The following ADCY3 variants were observed in gnomAD, a reference collection of about 807,000 sequenced individuals.
ADCY3 encodes adenylate cyclase 3.
A neutral mutation model predicts 119.4 loss-of-function variants in ADCY3; 70 were observed. That is an observed-to-expected ratio of 0.59 (90% CI 0.48 to 0.72). The LOEUF (loss-of-function observed/expected upper bound fraction) is 0.72, where lower values mean the gene tolerates loss of function less well. ADCY3 is among the 30% of genes least tolerant of loss of function. ADCY3 has a pLI of 0.00. For missense variants in ADCY3, 1,238 were observed against 1,541.6 expected (o/e 0.80, Z 3.30); for synonymous variants, 672 against 621.4 (o/e 1.08, Z -1.21).
intron 3 of ADCY3, among the ~76,000 whole-genome samples, chr2:24,858,105 C>T (rs1673226063): frequency 6.6e-6 from 1 of 150,406 alleles, no homozygotes; most frequent in South Asian, 2.1e-4. Flanking sequence ...CTCAGGTGAT[C>T]CTCCCGCCTC....
chr2:24,913,705 G>A (rs1038296111), intron 2 of ADCY3, among the ~76,000 whole-genome samples: 11 of 152,166 alleles, frequency 7.2e-5, no homozygotes, highest in Non-Finnish European at 1.5e-4. Flanking sequence ...CCTCCCTACG[G>A]CAGCTCCCTC....
intron 2 of ADCY3, among the ~76,000 whole-genome samples, chr2:24,891,537 G>C (rs1677653258): frequency 6.6e-6 from 1 of 152,148 alleles, no homozygotes; most frequent in Non-Finnish European, 1.5e-5. Context: ...TAGCAATTCA[G>C]ATATGCCAAA....
At chr2:24,837,137 G>A in intron 8 of ADCY3, 92 bp from the exon 9 acceptor site, 1 of 1,405,152 alleles carries the variant, frequency 7.1e-7, no homozygotes, top group Non-Finnish European at 9.6e-7. Context: ...GAGGCGGTGG[G>A]ATTAGAGAGC....
At position 24,820,078 on chromosome 2, in the gene ADCY3, C is replaced by A. The variant is rs149824724; in HGVS notation, c.3289G>T (p.Gly1097Cys). 8.9e-6 allele frequency: 14 copies of A among 1,575,032 alleles called. No individual in the cohort carries two copies. Among genetic ancestry groups the A allele is most frequent in the Non-Finnish European group, 1.2e-5 (14 of 1,161,064 alleles). Residue 1097 changes from glycine to cysteine, a missense_variant, in exon 22 of 22, where the codon GGC becomes TGC. Physicochemically the swap from Gly to Cys is radical, Grantham distance 159 (BLOSUM62 -3). This residue lies in a region of ADCY3 where 86 missense variants were observed against 70.7 expected (regional missense o/e 1.22). Transcript: ENST00000679454. ...GGGCCTCGCCTCACAAAGCGGAAGC[C>A]GTACTCTCGGAGGATGACTTGGGTT... ...EETQVILREY[G>C]FRFVRRGPIF... is the part of the protein sequence containing the mutation.
chr2:24,828,186 GAC>G (rs757082218), intron 13 of ADCY3, 25 bp from the exon 14 acceptor site: 3 of 1,610,128 alleles, frequency 1.9e-6, no homozygotes, highest in South Asian at 1.1e-5. Flanking sequence ...GGCGGGCAGG[GAC>G]ACACGTTCAA....
intron 6 of ADCY3, among the ~76,000 whole-genome samples, chr2:24,840,299 T>C (rs1443677873): frequency 6.6e-6 from 1 of 152,248 alleles, no homozygotes. Context: ...TCTCTGCCAA[T>C]TACTCTTTTA....
At chr2:24,837,857 GC>G (rs1670491497) in intron 8 of ADCY3, among the ~76,000 whole-genome samples, 1 of 152,076 alleles carries the variant, frequency 6.6e-6, no homozygotes, top group Non-Finnish European at 1.5e-5. Flanking sequence ...CAGAGGGCAG[GC>G]CCACAGGATG....
chr2:24,880,923 G>A (rs534333719), intron 2 of ADCY3, among the ~76,000 whole-genome samples: 1 of 152,126 alleles, frequency 6.6e-6, no homozygotes, highest in African/African-American at 2.4e-5. Flanking sequence ...GCTGAGGCAG[G>A]AGAATCGCTT....
At chr2:24,869,754 T>C (rs1326755747) in intron 3 of ADCY3, among the ~76,000 whole-genome samples, 1 of 152,150 alleles carries the variant, frequency 6.6e-6, no homozygotes, top group East Asian at 1.9e-4. Flanking sequence ...ATTTAAGGAA[T>C]AACCCAAATT....
At position 24,898,565 on chromosome 2, in the gene ADCY3, G is replaced by A. The variant is rs913405948; in HGVS notation, c.675+19748C>T. 5.9e-5 allele frequency among the ~76,000 whole-genome samples: 9 copies of A among 152,000 alleles called. No individual in the cohort carries two copies. The highest frequency in any genetic ancestry group is 1.3e-4 in the Non-Finnish European group (9 of 67,990). ...CACTCAGCCAGAGGAAATATCCTCC[G>A]AAGATCTTCACTCTCAAATCAGCCT... is the stretch of plus-strand genomic sequence containing the variant. On this transcript the variant is annotated intron_variant, in intron 2 of 21. Transcript: ENST00000679454. The surrounding 1 kb of genome is among the most constrained non-coding windows in gnomAD (Gnocchi z 4.3).
intron 15 of ADCY3, 31 bp downstream of exon 15, chr2:24,827,515 G>A (rs1668791602): frequency 6.4e-7 from 1 of 1,566,450 alleles, no homozygotes; most frequent in South Asian, 1.2e-5. Flanking sequence ...GGCTGTGAGT[G>A]CAGGCCAGGA....
intron 2 of ADCY3, among the ~76,000 whole-genome samples, chr2:24,895,309 G>A (rs566857039): frequency 2.2e-4 from 34 of 151,792 alleles, no homozygotes; most frequent in African/African-American, 6.0e-4. Flanking sequence ...CGATGGTCTC[G>A]ATCTCTTGAC....
At chr2:24,869,509 G>T (rs545847005) in intron 3 of ADCY3, among the ~76,000 whole-genome samples, 2 of 151,998 alleles carry the variant, frequency 1.3e-5, no homozygotes, top group Non-Finnish European at 2.9e-5. Context: ...GGGCTCAAGC[G>T]ATCCTCCCAC....
At chr2:24,854,722 G>A (rs537183509) in intron 3 of ADCY3, among the ~76,000 whole-genome samples, 1 of 152,152 alleles carries the variant, frequency 6.6e-6, no homozygotes, top group African/African-American at 2.4e-5. Context: ...GTTAGAAGGG[G>A]GACACCTACC....
intron 19 of ADCY3, 45 bp from the exon 20 acceptor site, chr2:24,821,685 C>T (rs749224237): frequency 5.6e-6 from 9 of 1,603,990 alleles, no homozygotes; most frequent in African/African-American, 5.3e-5. Flanking sequence ...CCGCTCACTG[C>T]AGCAGCCTGC....
At chr2:24,853,895 T>C (rs1672697685) in intron 3 of ADCY3, among the ~76,000 whole-genome samples, 1 of 152,242 alleles carries the variant, frequency 6.6e-6, no homozygotes, top group Admixed American at 6.5e-5. Flanking sequence ...ACTGAATCTG[T>C]ATATACAATG....
At chr2:24,869,573 T>C (rs935543561) in intron 3 of ADCY3, among the ~76,000 whole-genome samples, 1 of 152,048 alleles carries the variant, frequency 6.6e-6, no homozygotes, top group Non-Finnish European at 1.5e-5. Context: ...ACTCAGCTAA[T>C]TTTTTAATTT....
rs932998651 is a variant in ADCY3, at chr2:24,899,852, G to A, written c.675+18461C>T. ...TGGCAATGGGTACCTATGAGAAGGG[G>A]AGCAAGGGAAGGAAGGAGGACTTTC... On this transcript the variant is annotated intron_variant, in intron 2 of 21. Coordinates refer to ENST00000679454, the MANE Select transcript of ADCY3 (RefSeq NM_004036.5). This position sits in a 1 kb window ranked among gnomAD's most constrained non-coding sequence, Gnocchi z 4.5. 6.6e-5 allele frequency among the ~76,000 whole-genome samples: 10 copies of A among 152,182 alleles called. No homozygotes were observed. Among genetic ancestry groups the A allele is most frequent in the Non-Finnish European group, 1.3e-4 (9 of 68,036 alleles).
chr2:24,875,637 AGGCAACACTGACGTGCAGCCTGGG>A (rs1675595569), intron 2 of ADCY3, among the ~76,000 whole-genome samples: 1 of 152,188 alleles, frequency 6.6e-6, no homozygotes, highest in Non-Finnish European at 1.5e-5. Context: ...CAGTGCTCCC[AGGCAACACTGACGTGCAGCCTGGG>A]TGGGGAGTCC....
Sources: gnomAD v4.1 joint callset for allele counts (sites outside exome capture counted in the v4.1 genomes callset) on GRCh38, gnomAD v4.1.1 for gene constraint, gnomAD v4.1.1 regional missense constraint, Gnocchi (gnomAD v3.1) non-coding constraint, MANE v1.5 for transcripts, NCBI Gene and HGNC (gene_info 2026-07-23, HGNC 2026-07-21) for gene names.